The following PUS3 variants were observed in gnomAD, a reference collection of about 807,000 sequenced individuals.
The protein encoded by PUS3 is pseudouridine synthase 3.
In PUS3, 36 loss-of-function variants were observed where a neutral mutation model predicts 43.3. That is an observed-to-expected ratio of 0.83 (90% CI 0.64 to 1.10). The LOEUF (loss-of-function observed/expected upper bound fraction) is 1.10. PUS3 is among the 50% of genes least tolerant of loss of function. The pLI, the probability that PUS3 is intolerant of heterozygous loss-of-function variation, is 0.00. For missense variants in PUS3, 544 were observed against 589.9 expected (o/e 0.92, Z 0.81); for synonymous variants, 183 against 199.2 (o/e 0.92, Z 0.69).
At chr11:125,903,083 C>T in intron 1 of PUS3, 87 bp downstream of exon 1, 1 of 629,012 alleles carries the variant, frequency 1.6e-6, no homozygotes, top group Non-Finnish European at 2.0e-6. Flanking sequence ...AAAAAGAAGA[C>T]AACAGACAAC....
intron 1 of PUS3, among the ~76,000 whole-genome samples, chr11:125,901,211 A>G (rs1436059594): frequency 1.3e-5 from 2 of 152,212 alleles, no homozygotes; most frequent in Non-Finnish European, 2.9e-5. Flanking sequence ...GAATTATTTC[A>G]TTAATATTTT....
chr11:125,897,301 G>A (rs189527378), intron 1 of PUS3, among the ~76,000 whole-genome samples: 29 of 152,108 alleles, frequency 1.9e-4, no homozygotes, highest in Non-Finnish European at 4.3e-4. Context: ...AGAAAACATG[G>A]AATGACTTTT....
At chr11:125,902,963 G>T (rs922680542) in intron 1 of PUS3, among the ~76,000 whole-genome samples, 3 of 151,978 alleles carry the variant, frequency 2.0e-5, no homozygotes, top group Non-Finnish European at 4.4e-5. Flanking sequence ...AGTTTCCACC[G>T]AGAGCTCCAG....
chr11:125,900,293 A>G (rs756051351), intron 1 of PUS3: 3 of 1,606,302 alleles, frequency 1.9e-6, no homozygotes, highest in Non-Finnish European at 2.6e-6. Flanking sequence ...CTTTCACAGG[A>G]TTGTTTGAGA....
chr11:125,900,251 C>T (rs1944728118), intron 1 of PUS3: 4 of 1,614,136 alleles, frequency 2.5e-6, no homozygotes, highest in Non-Finnish European at 3.4e-6. Flanking sequence ...GCTTCCCTTC[C>T]CTCTTTCTCC....
intron 1 of PUS3, chr11:125,899,558 C>T: frequency 1.2e-6 from 2 of 1,614,180 alleles, no homozygotes; most frequent in East Asian, 2.2e-5. Context: ...GCGACCTGCT[C>T]TTCCTGTGCA....
At position 125,899,550 on chromosome 11, in the gene PUS3, G is replaced by A. The variant is rs752663072; in HGVS notation, c.-46-3220C>T. 8.1e-6 allele frequency: 13 copies of A among 1,614,020 alleles called. No homozygotes were observed. The highest frequency in any genetic ancestry group is 1.6e-4 in the Middle Eastern group (1 of 6,084). On this transcript the variant is annotated intron_variant, in intron 1 of 3. Transcript: ENST00000227474. The stretch of plus-strand genomic sequence containing the variant: ...AAAGCTTCAGTAGCCCCAGGGAAGC[G>A]ACCTGCTCTTCCTGTGCAACTACAG...
chr11:125,893,567 C>A lies in PUS3; in HGVS notation c.*218G>T. ...TGTAAATACATCTCCATTTTACGTT[C>A]TTTAATCGCTTAATCCTTTTGGACC... On this transcript the variant is annotated 3_prime_UTR_variant, in exon 4 of 4. Transcript: ENST00000227474. 9.3e-6 allele frequency: 4 copies of A among 431,870 alleles called. No individual in the cohort carries two copies. The highest frequency in any genetic ancestry group is 1.2e-5 in the Non-Finnish European group (3 of 247,488). 26.8% of individuals were successfully genotyped at this position (431,870 alleles called of 1,614,324 possible).
At chr11:125,902,477 G>A (rs1944803800) in intron 1 of PUS3, among the ~76,000 whole-genome samples, 1 of 151,980 alleles carries the variant, frequency 6.6e-6, no homozygotes, top group South Asian at 2.1e-4. Context: ...AGGCTGCCAA[G>A]ATGGCGCACG....
chr11:125,897,689 C>G (rs1392566135), intron 1 of PUS3, among the ~76,000 whole-genome samples: 1 of 152,088 alleles, frequency 6.6e-6, no homozygotes, highest in Non-Finnish European at 1.5e-5. Context: ...AAGGAAGTGA[C>G]TGCAAAGACA....
Position 125,895,277 on chromosome 11 carries a change from C to A in PUS3, c.891G>T (p.Glu297Asp), listed in dbSNP as rs1366134990. The A allele has an allele frequency of 6.2e-7, 1 of 1,611,420 alleles. No homozygotes were observed. ...CTATATTCAGCAGCTCATCAATAAT[C>A]TCTGGCTTCTCCATTCCTTGGCCAA... The part of the protein sequence containing the change: ...FLIGQGMEKP[E>D]IIDELLNIEK... The change falls in exon 3 of 4, where the codon GAG becomes GAT. Residue 297 changes from glutamate to aspartate, a missense_variant. Transcript: ENST00000227474.
At chr11:125,898,077 A>G (rs561252149) in intron 1 of PUS3, among the ~76,000 whole-genome samples, 1 of 152,320 alleles carries the variant, frequency 6.6e-6, no homozygotes, top group South Asian at 2.1e-4. Flanking sequence ...AGAGTTGTGT[A>G]GTGTTGTCCT....
chr11:125,895,873 T>C, intron 2 of PUS3, 34 bp downstream of exon 2: 1 of 1,600,572 alleles, frequency 6.2e-7, no homozygotes, highest in Non-Finnish European at 8.5e-7. Context: ...ATCCTAGTAT[T>C]GCTTGCTTTG....
chr11:125,899,891 G>T lies in PUS3; in HGVS notation c.-47+3279C>A, dbSNP rs1482689330. On this transcript the variant is annotated intron_variant, in intron 1 of 3. Coordinates refer to ENST00000227474, the MANE Select transcript of PUS3 (RefSeq NM_031307.4). ...TCAGCTCATTTGCTCTCTACAAAGA[G>T]AAGGAATGGGCTCTCCAGCTTACGA... 17 of 1,614,228 alleles carry T rather than the reference G, an allele frequency of 1.1e-5. No individual in the cohort carries two copies. The highest frequency in any genetic ancestry group is 1.7e-5 in the Admixed American group (1 of 60,030).
Position 125,895,396 on chromosome 11 carries a change from A to T in PUS3, c.772T>A (p.Trp258Arg). ...TGACATAACTGGAAAGGTTCTTGCCATCTCCCCTCACCTGGGCTCTGGCCC... is the reference window on the plus strand; with the variant it reads ...TGACATAACTGGAAAGGTTCTTGCCTTCTCCCCTCACCTGGGCTCTGGCCC... ...LVGQSPGEGR[W>R]QEPFQLCQFE... The change falls in exon 3 of 4, where the codon TGG (tryptophan) becomes AGG (arginine). Residue 258 changes from tryptophan (W) to arginine (R), a missense_variant. Coordinates refer to ENST00000227474, the MANE Select transcript of PUS3 (RefSeq NM_031307.4). 1.2e-6 allele frequency: 2 copies of T among 1,614,130 alleles called. No individual in the cohort carries two copies. Among genetic ancestry groups the T allele is most frequent in the Non-Finnish European group, 1.7e-6 (2 of 1,180,008 alleles).
chr11:125,899,200 G>C, intron 1 of PUS3: 1 of 625,956 alleles, frequency 1.6e-6, no homozygotes, highest in Non-Finnish European at 2.8e-6. Context: ...CCTCTAAACT[G>C]TTCTGATACT....
At chr11:125,899,265 T>G (rs1279290519) in intron 1 of PUS3, 14 of 989,584 alleles carry the variant, frequency 1.4e-5, no homozygotes, top group Non-Finnish European at 2.2e-5. Flanking sequence ...TTGACTGCTA[T>G]AAAACGGAGA....
chr11:125,899,740 T>G, intron 1 of PUS3: 1 of 1,614,178 alleles, frequency 6.2e-7, no homozygotes, highest in Non-Finnish European at 8.5e-7. Context: ...GTACAGAAAA[T>G]GATCAGGATC....
chr11:125,899,483 G>A (rs765839543), intron 1 of PUS3: 14 of 1,614,208 alleles, frequency 8.7e-6, no homozygotes, highest in Non-Finnish European at 1.2e-5. Flanking sequence ...TGAAGGAGAT[G>A]TCAGGAGAGA....
Sources: gnomAD v4.1 joint callset for allele counts (sites outside exome capture counted in the v4.1 genomes callset) on GRCh38, gnomAD v4.1.1 for gene constraint, MANE v1.5 for transcripts, NCBI Gene and HGNC (gene_info 2026-07-23, HGNC 2026-07-21) for gene names.